PLPP4: variants seen among roughly 807,000 people sequenced by gnomAD.
PLPP4 encodes the protein phospholipid phosphatase 4.
A neutral mutation model predicts 32.2 loss-of-function variants in PLPP4; 20 were observed. The observed-to-expected ratio is 0.62, with a 90% confidence interval of 0.44 to 0.90. The LOEUF is 0.90. Among genes scored for constraint, PLPP4 ranks in the 40% least tolerant of loss-of-function variants. The probability of loss-of-function intolerance (pLI) is 0.00; values close to 1 mark genes in which losing one functional copy is unlikely to be tolerated. For synonymous variants in PLPP4, 127 were observed against 133.0 expected, an observed-to-expected ratio of 0.95 and a Z score of 0.31; for missense variants, 257 against 353.1, an observed-to-expected ratio of 0.73 and a Z score of 2.18.
intron 5 of PLPP4, among the ~76,000 whole-genome samples, chr10:120,529,228 T>C (rs1486957353): frequency 6.6e-6 from 1 of 152,038 alleles, no homozygotes; most frequent in African/African-American, 2.4e-5. Flanking sequence ...GGGGGTGCTA[T>C]TGGCATCTCG....
chr10:120,504,552 G>T (rs1373256800), intron 2 of PLPP4, among the ~76,000 whole-genome samples: 1 of 152,232 alleles, frequency 6.6e-6, no homozygotes, highest in Admixed American at 6.5e-5. Flanking sequence ...TAAAGTGTAA[G>T]AACTAACAGT....
intron 4 of PLPP4, 114 bp from the exon 5 acceptor site, chr10:120,520,857 C>A: frequency 1.5e-6 from 2 of 1,323,092 alleles, no homozygotes; most frequent in Non-Finnish European, 2.1e-6. Flanking sequence ...CCAGTGTTGA[C>A]AGCCAAGGGG....
At chr10:120,571,772 G>C (rs557728441) in intron 5 of PLPP4, among the ~76,000 whole-genome samples, 21 of 152,272 alleles carry the variant, frequency 1.4e-4, no homozygotes, top group Non-Finnish European at 1.2e-4. Context: ...TTCTTCCTCA[G>C]GTAGTTACTG....
chr10:120,486,424 G>A (rs958979187), intron 1 of PLPP4, among the ~76,000 whole-genome samples: 5 of 152,108 alleles, frequency 3.3e-5, no homozygotes, highest in African/African-American at 4.8e-5. Context: ...GTGTGGCTCT[G>A]AAATTTGGCT....
intron 5 of PLPP4, among the ~76,000 whole-genome samples, chr10:120,556,804 G>A (rs528197375): frequency 2.6e-5 from 4 of 152,124 alleles, no homozygotes; most frequent in Admixed American, 6.5e-5. Flanking sequence ...TTCAAACCTC[G>A]GCACTAGATG....
In PLPP4 at chr10:120,575,224, G is replaced by C. The variant is rs764932698; in HGVS notation, c.539G>C (p.Cys180Ser). 9.3e-6 allele frequency: 15 copies of C among 1,613,976 alleles called. 1 individual carries two copies. The South Asian group carries it at 1.6e-4, about 18-fold the overall frequency. The change falls in exon 6 of 7, where the codon TGT becomes TCT. Residue 180 changes from cysteine to serine, a missense_variant. Coordinates refer to ENST00000398250, the MANE Select transcript of PLPP4 (RefSeq NM_001030059.3). ...ESGRGKSWRL[C>S]AAILPLYCAM... Reference sequence around the variant, plus strand: ...GGGCGGGGAAAGAGCTGGCGGCTCTGTGCTGCCATCCTGCCCTTGTACTGC... The same window carrying C: ...GGGCGGGGAAAGAGCTGGCGGCTCTCTGCTGCCATCCTGCCCTTGTACTGC...
rs116421425 is a variant in PLPP4 at position 120,572,977 on chromosome 10, G to A, written c.446-2154G>A. 4.6e-3 allele frequency among the ~76,000 whole-genome samples: 704 copies of A among 152,122 alleles called. 6 individuals are homozygous for A. Among genetic ancestry groups the A allele is most frequent in the African/African-American group, 0.015 (642 of 41,496 alleles). On this transcript the variant is annotated intron_variant, in intron 5 of 6. Coordinates refer to ENST00000398250, the MANE Select transcript of PLPP4 (RefSeq NM_001030059.3). ...CAGAATACTTAATATCTATTGGCAC[G>A]GCTCTGATGTTATTCATCAGACCTA...
chr10:120,457,169 G>C (rs1847814542), upstream of PLPP4: 4 of 461,304 alleles, frequency 8.7e-6, no homozygotes, highest in East Asian at 2.2e-4. Flanking sequence ...GCCCCCGCCC[G>C]GCGCCCGCCT....
chr10:120,464,911 G>T (rs1431015304), intron 1 of PLPP4, among the ~76,000 whole-genome samples: 1 of 152,050 alleles, frequency 6.6e-6, no homozygotes, highest in African/African-American at 2.4e-5. Flanking sequence ...TGATAAATGG[G>T]GCATCCTTCT....
intron 5 of PLPP4, among the ~76,000 whole-genome samples, chr10:120,552,034 C>A (rs996936479): frequency 6.6e-6 from 1 of 152,100 alleles, no homozygotes. Flanking sequence ...CAGAACTGAG[C>A]ATAATACCTG....
At chr10:120,538,048 C>CTGTG (rs1564825171) in intron 5 of PLPP4, among the ~76,000 whole-genome samples, 13 of 21,886 alleles carry the variant, frequency 5.9e-4, no homozygotes, top group South Asian at 1.5e-3. Context: ...CTCTCTCTCT[C>CTGTG]TCTCTGTGTG....
At chr10:120,510,773 G>A (rs1241829581) in intron 2 of PLPP4, among the ~76,000 whole-genome samples, 2 of 152,128 alleles carry the variant, frequency 1.3e-5, no homozygotes, top group Admixed American at 1.3e-4. Flanking sequence ...AAAAATGTTT[G>A]TGTACAAGGG....
chr10:120,457,430 CCTAA>C (rs1222781247), intron 1 of PLPP4, 69 bp downstream of exon 1: 31 of 1,421,838 alleles, frequency 2.2e-5, no homozygotes, highest in Admixed American at 1.1e-4. Flanking sequence ...CTCTCTGTGC[CCTAA>C]CTTAGTTTGC....
chr10:120,527,891 T>G (rs1439094760), intron 5 of PLPP4, among the ~76,000 whole-genome samples: 2 of 151,724 alleles, frequency 1.3e-5, no homozygotes, highest in African/African-American at 4.8e-5. Flanking sequence ...AGCATGAATA[T>G]TCATTATTAT....
At chr10:120,473,865 C>A (rs1025485594) in intron 1 of PLPP4, among the ~76,000 whole-genome samples, 15 of 152,182 alleles carry the variant, frequency 9.9e-5, no homozygotes, top group African/African-American at 3.6e-4. Flanking sequence ...CCCAGCCATG[C>A]TCCCTGTACA....
chr10:120,530,117 A>G (rs527431684), intron 5 of PLPP4, among the ~76,000 whole-genome samples: 5 of 152,326 alleles, frequency 3.3e-5, no homozygotes, highest in South Asian at 4.1e-4. Flanking sequence ...CCACCATTCA[A>G]TGATGATGAT....
chr10:120,479,762 C>G (rs570913332), intron 1 of PLPP4, among the ~76,000 whole-genome samples: 2 of 152,162 alleles, frequency 1.3e-5, no homozygotes, highest in South Asian at 4.2e-4. Context: ...CAAATGCTGC[C>G]AAATTTAATT....
intron 5 of PLPP4, among the ~76,000 whole-genome samples, chr10:120,552,165 G>GGTGTGTGTGT (rs58426120): frequency 0.027 from 3,758 of 138,576 alleles, 80 homozygotes; most frequent in Non-Finnish European, 0.036. Flanking sequence ...GTGGTGGTGG[G>GGTGTGTGTGT]GTGTGTGTGT....
intron 1 of PLPP4, among the ~76,000 whole-genome samples, chr10:120,494,660 C>T (rs935467006): frequency 6.6e-6 from 1 of 152,156 alleles, no homozygotes; most frequent in Non-Finnish European, 1.5e-5. Flanking sequence ...TCTTCCTTAT[C>T]CAGGTGAGGG....
Sources: gnomAD v4.1 joint callset for allele counts (sites outside exome capture counted in the v4.1 genomes callset) on GRCh38, gnomAD v4.1.1 for gene constraint, MANE v1.5 for transcripts, NCBI Gene and HGNC (gene_info 2026-07-23, HGNC 2026-07-21) for gene names.